FOXN3: variants seen among roughly 807,000 people sequenced by gnomAD.
The protein encoded by FOXN3 is forkhead box protein N3.
FOXN3 carries 7 observed loss-of-function variants against 38.4 expected under a neutral mutation model. The ratio of observed to expected loss-of-function variants is 0.18; its 90% CI spans 0.10 to 0.34. FOXN3 has a LOEUF of 0.34. FOXN3 is among the 10% of genes least tolerant of loss of function. FOXN3 has a pLI of 1.00. For missense variants in FOXN3, 456 were observed against 613.4 expected, an observed-to-expected ratio of 0.74 and a Z score of 2.71; for synonymous variants, 230 against 242.2, an observed-to-expected ratio of 0.95 and a Z score of 0.47.
chr14:89,291,706 T>A, intron 3 of FOXN3: 1 of 380,896 alleles, frequency 2.6e-6, no homozygotes, highest in South Asian at 2.2e-5. Context: ...TGAAGTTTCA[T>A]CACATTCCCC....
At chr14:89,450,008 G>A (rs72703656) in intron 1 of FOXN3, among the ~76,000 whole-genome samples, 20,009 of 152,242 alleles carry the variant, frequency 0.13, 1,684 homozygotes, top group Middle Eastern at 0.24. Flanking sequence ...AAGCCGCACT[G>A]GTCAAGCCAC....
intron 1 of FOXN3, among the ~76,000 whole-genome samples, chr14:89,477,210 C>G (rs915901805): frequency 6.6e-6 from 1 of 152,104 alleles, no homozygotes; most frequent in African/African-American, 2.4e-5. Context: ...AGCACGGCAC[C>G]TCGGAATTGC....
chr14:89,336,170 A>AAG (rs34375093), intron 3 of FOXN3, among the ~76,000 whole-genome samples: 18,966 of 148,610 alleles, frequency 0.13, 1,364 homozygotes, highest in South Asian at 0.18. Context: ...ACACACACAC[A>AAG]CATTCATAAT....
chr14:89,608,346 T>C (rs1896319087), intron 1 of FOXN3, among the ~76,000 whole-genome samples: 1 of 152,250 alleles, frequency 6.6e-6, no homozygotes, highest in Non-Finnish European at 1.5e-5. Flanking sequence ...TTCACCATGT[T>C]GGCCAGGATG....
intron 1 of FOXN3, among the ~76,000 whole-genome samples, chr14:89,604,893 T>C (rs1896237816): frequency 6.6e-6 from 1 of 152,216 alleles, no homozygotes; most frequent in African/African-American, 2.4e-5. Context: ...TTTAATATGC[T>C]GAGAGAAAAT....
At chr14:89,416,628 T>C (rs939153098) in intron 1 of FOXN3, among the ~76,000 whole-genome samples, 2 of 151,972 alleles carry the variant, frequency 1.3e-5, no homozygotes, top group Non-Finnish European at 2.9e-5. Context: ...CTTGCGGGCG[T>C]CTTTTCGGAA....
chr14:89,383,264 C>A (rs967227686), intron 2 of FOXN3, among the ~76,000 whole-genome samples: 2 of 152,000 alleles, frequency 1.3e-5, no homozygotes, highest in African/African-American at 4.8e-5. Flanking sequence ...TCAGGTTCTA[C>A]CACATGTGAC....
intron 2 of FOXN3, among the ~76,000 whole-genome samples, chr14:89,401,334 C>G (rs758718642): frequency 2.0e-5 from 3 of 152,140 alleles, no homozygotes; most frequent in Non-Finnish European, 2.9e-5. Context: ...CCCAGCTACT[C>G]AGGAGGCTGA....
At chr14:89,437,690 T>C (rs1319970479) in intron 1 of FOXN3, among the ~76,000 whole-genome samples, 10 of 152,216 alleles carry the variant, frequency 6.6e-5, no homozygotes, top group Admixed American at 5.2e-4. Flanking sequence ...GTTTAGCATA[T>C]CATCAAGAAA....
chr14:89,387,974 C>T (rs1452442286), intron 2 of FOXN3, among the ~76,000 whole-genome samples: 1 of 152,180 alleles, frequency 6.6e-6, no homozygotes, highest in African/African-American at 2.4e-5. Context: ...CCTGCGGTCA[C>T]AAGTTCAAGA....
At chr14:89,348,614 T>TG (rs1471619573) in intron 3 of FOXN3, among the ~76,000 whole-genome samples, 2 of 152,048 alleles carry the variant, frequency 1.3e-5, no homozygotes, top group African/African-American at 4.8e-5. Flanking sequence ...GTGACCTCTG[T>TG]GGAGGTGAAA....
chr14:89,291,163 T>TG, intron 3 of FOXN3: 3 of 489,766 alleles, frequency 6.1e-6, no homozygotes, highest in Non-Finnish European at 1.2e-5. Flanking sequence ...GTACCCAAGT[T>TG]GGGGGGCACA....
In FOXN3 at chr14:89,211,969, G is replaced by T. The variant is rs543369061; in HGVS notation, c.746-31163C>A. Among the ~76,000 whole-genome samples the T allele has an allele frequency of 2.8e-4, 43 of 152,246 alleles. 1 individual carries two copies. The South Asian group carries it at 8.9e-3, about 32-fold the overall frequency. On this transcript the variant is annotated intron_variant, in intron 4 of 5. Coordinates refer to ENST00000557258, the MANE Select transcript of FOXN3 (RefSeq NM_005197.4). ...GAGGAGGTCATGTTCTTCATGATGG[G>T]ATTCGTGGCCCTATAAGAGTAGCAT...
chr14:89,308,674 T>G (rs2139956091), intron 3 of FOXN3, among the ~76,000 whole-genome samples: 1 of 152,340 alleles, frequency 6.6e-6, no homozygotes, highest in African/African-American at 2.4e-5. Context: ...ATGGCCTAGT[T>G]GGCCTGGCTC....
intron 1 of FOXN3, among the ~76,000 whole-genome samples, chr14:89,497,344 G>A (rs544364082): frequency 1.8e-4 from 27 of 150,816 alleles, no homozygotes; most frequent in African/African-American, 4.1e-4. Context: ...AGACACTTGC[G>A]TTGCTTCCAT....
At chr14:89,325,214 G>GCACCACCACCAC (rs756831446) in intron 3 of FOXN3, among the ~76,000 whole-genome samples, 53,731 of 139,848 alleles carry the variant, frequency 0.38, 12,567 homozygotes, top group East Asian at 0.57. Flanking sequence ...CAACACACAT[G>GCACCACCACCAC]CACCACCACC....
intron 1 of FOXN3, among the ~76,000 whole-genome samples, chr14:89,555,884 G>GGGGGGGGGGTGT: frequency 1.1e-5 from 1 of 90,186 alleles, no homozygotes; most frequent in Non-Finnish European, 2.5e-5. Context: ...TGTATGTGGG[G>GGGGGGGGGGTGT]GTGTATGTGG....
At chr14:89,487,745 C>G (rs1893478559) in intron 1 of FOXN3, among the ~76,000 whole-genome samples, 1 of 152,110 alleles carries the variant, frequency 6.6e-6, no homozygotes, top group Non-Finnish European at 1.5e-5. Context: ...CAATAAGACA[C>G]ATACACAAGC....
chr14:89,401,978 G>A (rs1404107965), intron 2 of FOXN3, among the ~76,000 whole-genome samples: 1 of 152,070 alleles, frequency 6.6e-6, no homozygotes, highest in Non-Finnish European at 1.5e-5. Flanking sequence ...CACAAGGAAA[G>A]GTACTCAAAC....
Sources: gnomAD v4.1 joint callset for allele counts (sites outside exome capture counted in the v4.1 genomes callset) on GRCh38, gnomAD v4.1.1 for gene constraint, MANE v1.5 for transcripts, NCBI Gene and HGNC (gene_info 2026-07-23, HGNC 2026-07-21) for gene names.